The following C21orf91 variants were observed in gnomAD, a reference collection of about 807,000 sequenced individuals.
C21orf91 encodes the protein protein EURL homolog.
C21orf91 carries 26 observed loss-of-function variants against 32.9 expected under a neutral mutation model. The ratio of observed to expected loss-of-function variants is 0.79; its 90% confidence interval spans 0.58 to 1.10. The LOEUF (loss-of-function observed/expected upper bound fraction) is 1.10. Among genes scored for constraint, C21orf91 ranks in the 50% least tolerant of loss-of-function variants. The probability of loss-of-function intolerance (pLI) is 0.00; values close to 1 mark genes in which losing one functional copy is unlikely to be tolerated. For missense variants in C21orf91, 310 were observed against 341.3 expected (o/e 0.91, Z 0.72); for synonymous variants, 126 against 120.4 (o/e 1.05, Z -0.31).
intron 2 of C21orf91, chr21:17,811,417 G>C (rs1315590177): frequency 6.6e-6 from 1 of 152,188 alleles, no homozygotes; most frequent in African/African-American, 2.4e-5. Flanking sequence ...CTTCCAACTA[G>C]AGGGTGACAC....
At chr21:17,799,080 T>C (rs2062541078) in intron 2 of C21orf91, among the ~76,000 whole-genome samples, 1 of 152,202 alleles carries the variant, frequency 6.6e-6, no homozygotes, top group African/African-American at 2.4e-5. Flanking sequence ...ATGAAATTCT[T>C]TAGCATATAA....
intron 2 of C21orf91, among the ~76,000 whole-genome samples, chr21:17,807,176 C>T (rs187750647): frequency 6.8e-4 from 103 of 152,218 alleles, no homozygotes; most frequent in African/African-American, 2.0e-3. Context: ...AATTGTAATA[C>T]GCAATGTTGG....
rs1424690212 is a variant in C21orf91, at chr21:17,797,117, C to G, written c.129G>C (p.Gly43=). 5.2e-6 allele frequency: 8 copies of G among 1,551,458 alleles called. No individual in the cohort carries two copies. In the Admixed American group the frequency reaches 1.5e-4, roughly 29 times the overall value. The part of the protein sequence containing the change: ...CHICFELNIE[G]VPKSDLLHTK... Reference sequence around the variant, plus strand: ...TGTGCAAGAGATCAGACTTTGGTACCCCTATGGAAAAAAAAGAGAAACAAA... The same window carrying G: ...TGTGCAAGAGATCAGACTTTGGTACGCCTATGGAAAAAAAAGAGAAACAAA... The change falls in exon 3 of 5, where the codon GGG becomes GGC. Residue 43 remains glycine, a splice_region_variant and synonymous_variant. Transcript: ENST00000284881.
At chr21:17,817,864 T>A (rs1281766062) in intron 2 of C21orf91, 1 of 188,658 alleles carries the variant, frequency 5.3e-6, no homozygotes, top group Non-Finnish European at 1.1e-5. Context: ...CTTCTTAATA[T>A]AAAAAACACA....
intron 1 of C21orf91, chr21:17,819,098 C>G (rs958916921): frequency 6.6e-6 from 1 of 152,210 alleles, no homozygotes. Flanking sequence ...GGAGCCGGGT[C>G]CTGGCCCGGC....
chr21:17,794,528 G>C (rs2062503438), intron 4 of C21orf91, among the ~76,000 whole-genome samples: 1 of 152,228 alleles, frequency 6.6e-6, no homozygotes, highest in Non-Finnish European at 1.5e-5. Context: ...GGGAATGGAT[G>C]CAAGTAGAGA....
intron 2 of C21orf91, among the ~76,000 whole-genome samples, chr21:17,801,833 T>TA (rs1165905334): frequency 1.3e-5 from 2 of 151,692 alleles, no homozygotes; most frequent in South Asian, 2.1e-4. Context: ...TCCCAGAACT[T>TA]AAAGTATTAA....
intron 2 of C21orf91, among the ~76,000 whole-genome samples, chr21:17,798,876 A>G (rs1407865275): frequency 6.6e-6 from 1 of 152,190 alleles, no homozygotes; most frequent in Non-Finnish European, 1.5e-5. Context: ...TCTGATTCCA[A>G]TGCTTAGTTT....
intron 4 of C21orf91, among the ~76,000 whole-genome samples, 199 bp downstream of exon 4, chr21:17,795,004 CAAAAA>C (rs56814896): frequency 2.9e-5 from 3 of 104,628 alleles, no homozygotes; most frequent in African/African-American, 6.8e-5. Context: ...GATTCTGTCG[CAAAAA>C]AAAAAAAAAA....
intron 1 of C21orf91, chr21:17,819,011 CG>C (rs1222153980): frequency 6.6e-6 from 1 of 152,216 alleles, no homozygotes; most frequent in Non-Finnish European, 1.5e-5. Flanking sequence ...CTCGTCCCAT[CG>C]CTCCGGGATT....
At chr21:17,807,125 G>C (rs1219283984) in intron 2 of C21orf91, among the ~76,000 whole-genome samples, 1 of 152,160 alleles carries the variant, frequency 6.6e-6, no homozygotes, top group Non-Finnish European at 1.5e-5. Context: ...AAATAAAATT[G>C]ATATGGTTTC....
At chr21:17,818,152 A>C in intron 2 of C21orf91, 40 bp downstream of exon 2, 1 of 1,525,780 alleles carries the variant, frequency 6.6e-7, no homozygotes, top group South Asian at 1.1e-5. Flanking sequence ...CAGCTGTGTT[A>C]AATTCATTCC....
intron 1 of C21orf91, 153 bp downstream of exon 1, chr21:17,819,150 G>A (rs1172413505): frequency 6.6e-6 from 1 of 152,092 alleles, no homozygotes; most frequent in Non-Finnish European, 1.5e-5. Flanking sequence ...GGGAGTCGCG[G>A]ACCCAAGTCC....
rs962158312 is a variant in C21orf91, at chr21:17,796,812, T to G, written c.434A>C (p.Lys145Thr). ...GCCACCTGCACTTCCATCTATCCAT[T>G]TTGCAGAATATTTTGGTACTTGGGA... ...FDSQVPKYSAKWIDGSAGGIS... is the reference protein window; with the variant it reads ...FDSQVPKYSATWIDGSAGGIS... The change falls in exon 3 of 5, where the codon AAA becomes ACA. Residue 145 changes from lysine (K) to threonine (T), a missense_variant. Transcript: ENST00000284881. 3.1e-6 allele frequency: 5 copies of G among 1,613,848 alleles called. No individual in the cohort carries two copies. The highest frequency in any genetic ancestry group is 4.2e-6 in the Non-Finnish European group (5 of 1,179,890).
chr21:17,803,173 C>G (rs1032961763), intron 2 of C21orf91, among the ~76,000 whole-genome samples: 1 of 152,242 alleles, frequency 6.6e-6, no homozygotes, highest in Non-Finnish European at 1.5e-5. Flanking sequence ...TTTAAGCACA[C>G]TGCCTTAAAA....
chr21:17,805,495 G>C (rs956198195), intron 2 of C21orf91, among the ~76,000 whole-genome samples: 2 of 152,064 alleles, frequency 1.3e-5, no homozygotes, highest in African/African-American at 4.8e-5. Flanking sequence ...TGTATTTTTA[G>C]TAAAGACAGG....
intron 2 of C21orf91, among the ~76,000 whole-genome samples, chr21:17,805,965 ACAC>A (rs1283634703): frequency 2.5e-5 from 2 of 79,564 alleles, no homozygotes; most frequent in African/African-American, 1.4e-4. Flanking sequence ...CAAAACAAAA[ACAC>A]AACAAAGTTT....
intron 2 of C21orf91, 136 bp downstream of exon 2, chr21:17,818,056 C>CT (rs1254700983): frequency 1.9e-6 from 1 of 531,682 alleles, no homozygotes; most frequent in Admixed American, 3.5e-5. Flanking sequence ...GAAACCTTAT[C>CT]TTTAACAAAT....
intron 4 of C21orf91, among the ~76,000 whole-genome samples, chr21:17,794,349 T>C (rs899866660): frequency 6.6e-6 from 1 of 152,222 alleles, no homozygotes; most frequent in South Asian, 2.1e-4. Context: ...GTTAGCATTA[T>C]ACTTGATGAC....
Sources: allele counts gnomAD v4.1 joint callset (sites outside exome capture counted in the v4.1 genomes callset), GRCh38; gene constraint gnomAD v4.1.1; transcripts MANE v1.5; gene names NCBI Gene and HGNC (gene_info 2026-07-23, HGNC 2026-07-21).